TASOR2: variants seen among roughly 807,000 people sequenced by gnomAD.
The protein encoded by TASOR2 is protein TASOR 2.
In TASOR2, 84 loss-of-function variants were observed where a neutral mutation model predicts 199.5. The observed-to-expected ratio is 0.42, with a 90% confidence interval of 0.35 to 0.50. The LOEUF is 0.50. Ranked by LOEUF, TASOR2 falls within the 20% of genes least tolerant of loss-of-function variation. The probability of loss-of-function intolerance (pLI) is 0.02; values close to 1 mark genes in which losing one functional copy is unlikely to be tolerated. For synonymous variants in TASOR2, 1,103 were observed against 1,046.6 expected, an observed-to-expected ratio of 1.05 and a Z score of -1.04; for missense variants, 2,796 against 2,835.9, an observed-to-expected ratio of 0.99 and a Z score of 0.32.
At chr10:5,761,500 A>G (rs1180075947) in intron 19 of TASOR2, 29 bp downstream of exon 20, 1 of 1,598,898 alleles carries the variant, frequency 6.3e-7, no homozygotes, top group Non-Finnish European at 8.5e-7. Flanking sequence ...TTACTCAGTT[A>G]ATGCCAAAAT....
At chr10:5,697,866 A>G (rs191088128) in intron 1 of TASOR2, among the ~76,000 whole-genome samples, 1 of 152,310 alleles carries the variant, frequency 6.6e-6, no homozygotes, top group Non-Finnish European at 1.5e-5. Context: ...TGTCTGGTAG[A>G]TGGTATTTTT....
intron 11 of TASOR2, among the ~76,000 whole-genome samples, chr10:5,732,950 G>A (rs1835033545): frequency 6.6e-6 from 1 of 152,148 alleles, no homozygotes; most frequent in Admixed American, 6.5e-5. Context: ...GTAGTATAAA[G>A]CAGTGCACCA....
At chr10:5,743,451 T>TC (rs1836712226) in intron 14 of TASOR2, among the ~76,000 whole-genome samples, 1 of 152,136 alleles carries the variant, frequency 6.6e-6, no homozygotes, top group South Asian at 2.1e-4. Context: ...ACTATTAATC[T>TC]CCCCATTACA....
At chr10:5,734,716 ATTTTTTTTTTTTTTTTT>A (rs140600979) in intron 11 of TASOR2, among the ~76,000 whole-genome samples, 1 of 54,146 alleles carries the variant, frequency 1.8e-5, no homozygotes, top group African/African-American at 6.7e-5. Flanking sequence ...GGTTATGAAG[ATTTTTTTTTTTTTTTTT>A]TTTTTTTTTT....
chr10:5,730,754 G>A lies in TASOR2; in HGVS notation c.755G>A (p.Cys252Tyr), dbSNP rs1834701426. ...GACTTGATTCCTCCAGCTGAAAAGTGCCCTTCAGAGTCTTTAACTCAGTTG... is the reference window on the plus strand; with the variant it reads ...GACTTGATTCCTCCAGCTGAAAAGTACCCTTCAGAGTCTTTAACTCAGTTG... Residue 252 changes from cysteine (C) to tyrosine (Y), a missense_variant, in exon 11 of 21, where the codon TGC (cysteine) becomes TAC (tyrosine). Cys to Tyr is a radical substitution (Grantham distance 194). Coordinates refer to ENST00000328090, the Ensembl canonical transcript of TASOR2. This position sits in a 1 kb window ranked among gnomAD's most constrained non-coding sequence, Gnocchi z 4.1. The A allele has an allele frequency of 1.9e-6, 3 of 1,614,022 alleles. No individual in the cohort carries two copies. The South Asian group carries it at 3.3e-5, about 18-fold the overall frequency.
chr10:5,756,733 C>T lies in TASOR2; in HGVS notation c.6727C>T (p.His2243Tyr), dbSNP rs534162423. ...AAATGAAGATATATCATCACATTTG[C>T]ATCAGGTCGGTTGGAAATACCTTAC... is the stretch of plus-strand genomic sequence containing the variant. The change falls in exon 16 of 21, where the codon CAT becomes TAT. Residue 2243 changes from histidine to tyrosine, a missense_variant. Around this residue, in one of 3 missense-constraint regions of TASOR2, gnomAD observed 1,941 missense variants for 1,924.9 expected, o/e 1.01. Transcript: ENST00000328090. The T allele has an allele frequency of 1.7e-5, 28 of 1,611,908 alleles. No homozygotes were observed. In the African/African-American group the frequency reaches 2.8e-4, roughly 16 times the overall value.
chr10:5,729,138 C>T (rs1834455403), intron 10 of TASOR2, among the ~76,000 whole-genome samples: 1 of 152,048 alleles, frequency 6.6e-6, no homozygotes, highest in African/African-American at 2.4e-5. Context: ...CACTTGAGGC[C>T]AGGAGTTGGA....
At chr10:5,747,442 G>T in exon 15 of TASOR2, 1 of 1,614,162 alleles carries the variant, frequency 6.2e-7, no homozygotes, top group South Asian at 1.1e-5. Context: ...GAGTTCTGCT[G>T]ACAATGTGTC....
chr10:5,685,292 T>A lies in TASOR2; in HGVS notation c.-288+117T>A. The A allele has an allele frequency of 2.5e-6, 1 of 396,234 alleles. No homozygotes were observed. The highest frequency in any genetic ancestry group is 4.4e-6 in the Non-Finnish European group (1 of 224,926). 24.5% of individuals were successfully genotyped at this position (396,234 alleles called of 1,614,324 possible). A position where few individuals can be genotyped will look rare whatever the true frequency, so the allele number is the denominator to read the frequency against. Reference sequence around the variant, plus strand: ...GCTGCGAGGGTCGACGCGTTCTCCTTGCCTTTTGCCGCGCTCCGGGTGAGG... The same window carrying A: ...GCTGCGAGGGTCGACGCGTTCTCCTAGCCTTTTGCCGCGCTCCGGGTGAGG... On this transcript the variant is annotated intron_variant, in intron 1 of 20. Transcript: ENST00000328090. This position sits in a 1 kb window ranked among gnomAD's most constrained non-coding sequence, Gnocchi z 5.4.
At chr10:5,697,566 C>T (rs147099155) in intron 1 of TASOR2, among the ~76,000 whole-genome samples, 2 of 151,980 alleles carry the variant, frequency 1.3e-5, no homozygotes, top group Non-Finnish European at 2.9e-5. Context: ...TAAAGTACTC[C>T]TAGAAATGAG....
intron 11 of TASOR2, among the ~76,000 whole-genome samples, chr10:5,734,302 G>A (rs763618459): frequency 1.9e-4 from 29 of 152,122 alleles, no homozygotes; most frequent in African/African-American, 5.8e-4. Flanking sequence ...AAAGCAGAGC[G>A]CTTCTAAGAG....
In TASOR2 at chr10:5,719,009, G is replaced by T. The variant is rs1313422149; in HGVS notation, c.-100+1259G>T. On this transcript the variant is annotated intron_variant, in intron 3 of 20. Transcript: ENST00000328090. The surrounding 1 kb of genome is among the most constrained non-coding windows in gnomAD (Gnocchi z 4.1). ...TCATTTTATTTCACAAAATCGAGCC[G>T]CACCCAGAACCATAAAATGTTTGAT... 6.6e-6 allele frequency among the ~76,000 whole-genome samples: 1 copy of T among 152,036 alleles called. No homozygotes were observed. Among genetic ancestry groups the T allele is most frequent in the Non-Finnish European group, 1.5e-5 (1 of 67,998 alleles).
In TASOR2 at chr10:5,742,323, C is replaced by G; in HGVS notation, c.2554C>G (p.Leu852Val). The G allele has an allele frequency of 6.2e-7, 1 of 1,614,190 alleles. No individual in the cohort carries two copies. The highest frequency in any genetic ancestry group is 1.3e-5 in the African/African-American group (1 of 75,054). Residue 852 changes from leucine to valine, a missense_variant, in exon 14 of 21, where the codon CTG (leucine) becomes GTG (valine). Physicochemically the swap from Leu to Val is conservative, Grantham distance 32. Around this residue, in one of 3 missense-constraint regions of TASOR2, gnomAD observed 1,941 missense variants for 1,924.9 expected, o/e 1.01. Coordinates refer to ENST00000328090, the Ensembl canonical transcript of TASOR2. This position sits in a 1 kb window ranked among gnomAD's most constrained non-coding sequence, Gnocchi z 4.2. The stretch of plus-strand genomic sequence containing the variant: ...TTTGGAAAAATGTTCTGCAGACTCT[C>G]TGTTGGAGACTAACGAAATTTCCAG...
At chr10:5,739,009 TTGA>T (rs1298463370) in intron 12 of TASOR2, among the ~76,000 whole-genome samples, 2 of 152,254 alleles carry the variant, frequency 1.3e-5, no homozygotes, top group African/African-American at 4.8e-5. Flanking sequence ...ATGGAATTAA[TTGA>T]TGATTCTGAA....
At chr10:5,729,570 C>G (rs1417890251) in intron 10 of TASOR2, among the ~76,000 whole-genome samples, 2 of 152,144 alleles carry the variant, frequency 1.3e-5, no homozygotes, top group East Asian at 3.8e-4. Flanking sequence ...TGATATCTGG[C>G]CACATTTTCC....
chr10:5,742,094 T>G lies in TASOR2; in HGVS notation c.2328-3T>G. The G allele has an allele frequency of 6.2e-7, 1 of 1,612,532 alleles. No homozygotes were observed. On this transcript the variant is annotated splice_region_variant and splice_polypyrimidine_tract_variant and intron_variant, in intron 13 of 20. Transcript: ENST00000328090. The surrounding 1 kb of genome is among the most constrained non-coding windows in gnomAD (Gnocchi z 4.2). ...TTCATGTGTTCTTTCTGTAAACTCT[T>G]AGGCCCTGGAATACTGATTTGCCTG...
At chr10:5,749,157 C>T (rs762698896) in exon 15 of TASOR2, 11 of 1,604,030 alleles carry the variant, frequency 6.9e-6, no homozygotes, top group South Asian at 1.1e-5. Flanking sequence ...TGCCGCCTTA[C>T]GTCCAAATCC....
At chr10:5,731,748 T>C (rs1834849125) in intron 11 of TASOR2, among the ~76,000 whole-genome samples, 1 of 152,210 alleles carries the variant, frequency 6.6e-6, no homozygotes, top group African/African-American at 2.4e-5. Context: ...ACCAACATGT[T>C]ATGTTCCACA....
At chr10:5,691,261 T>G (rs777623212) in intron 1 of TASOR2, among the ~76,000 whole-genome samples, 6 of 152,128 alleles carry the variant, frequency 3.9e-5, no homozygotes, top group Non-Finnish European at 8.8e-5. Context: ...TTGTTGTTGT[T>G]TTTACATAAT....
Sources: gnomAD v4.1 joint callset for allele counts (sites outside exome capture counted in the v4.1 genomes callset) on GRCh38, gnomAD v4.1.1 for gene constraint, gnomAD v4.1.1 regional missense constraint, Gnocchi (gnomAD v3.1) non-coding constraint, MANE v1.5 for transcripts, NCBI Gene and HGNC (gene_info 2026-07-23, HGNC 2026-07-21) for gene names.